RAPGEF4: variants seen among roughly 807,000 people sequenced by gnomAD.
RAPGEF4 encodes the protein RAP guanine-nucleotide-exchange factor (GEF) 4.
RAPGEF4 carries 66 observed loss-of-function variants against 147.9 expected under a neutral mutation model. That is an observed-to-expected ratio of 0.45 (90% CI 0.37 to 0.55). The LOEUF (loss-of-function observed/expected upper bound fraction) is 0.55. RAPGEF4 is among the 20% of genes least tolerant of loss of function. RAPGEF4 has a pLI of 0.00. For missense variants in RAPGEF4, 1,071 were observed against 1,257.3 expected, an observed-to-expected ratio of 0.85 and a Z score of 2.24; for synonymous variants, 419 against 442.7, an observed-to-expected ratio of 0.95 and a Z score of 0.67.
At chr2:173,001,994 A>AAAAAAAAAAAAAAAAAAC (rs1693978617) in intron 17 of RAPGEF4, among the ~76,000 whole-genome samples, 1 of 16,196 alleles carries the variant, frequency 6.2e-5, no homozygotes, top group Non-Finnish European at 1.4e-4. Flanking sequence ...TGATGCTGGC[A>AAAAAAAAAAAAAAAAAAC]AAAAAAAAAA....
At chr2:173,043,818 A>G (rs918559419) in intron 29 of RAPGEF4, among the ~76,000 whole-genome samples, 1 of 152,200 alleles carries the variant, frequency 6.6e-6, no homozygotes, top group African/African-American at 2.4e-5. Context: ...CTTGAGGGAA[A>G]TTTGTGTTTG....
intron 15 of RAPGEF4, among the ~76,000 whole-genome samples, chr2:172,993,830 T>G (rs556680384): frequency 6.6e-6 from 1 of 152,262 alleles, no homozygotes; most frequent in East Asian, 1.9e-4. Context: ...GAAGAGAAGC[T>G]GGGGTAAGGT....
chr2:172,903,994 GATGATGGTAGT>G, intron 4 of RAPGEF4, among the ~76,000 whole-genome samples: 1 of 152,134 alleles, frequency 6.6e-6, no homozygotes, highest in Non-Finnish European at 1.5e-5. Context: ...GCAAAAACAA[GATGATGGTAGT>G]TTGCTCAAAA....
chr2:173,035,802 GA>G (rs1683922625), intron 27 of RAPGEF4, among the ~76,000 whole-genome samples: 1 of 152,248 alleles, frequency 6.6e-6, no homozygotes, highest in South Asian at 2.1e-4. Context: ...GTAAGTTAGA[GA>G]AAAAATGATA....
At chr2:173,018,555 A>G in intron 21 of RAPGEF4, 101 bp from the exon 22 acceptor site, 1 of 1,339,708 alleles carries the variant, frequency 7.5e-7, no homozygotes, top group Non-Finnish European at 1.0e-6. Context: ...AAAATGGCAA[A>G]ATGATGCAAA....
intron 8 of RAPGEF4, 28 bp downstream of exon 8, chr2:172,961,256 C>A (rs887304835): frequency 6.1e-6 from 9 of 1,482,134 alleles, no homozygotes; most frequent in Admixed American, 1.7e-5. Flanking sequence ...AAAGGCTGTG[C>A]CCCGCTCATA....
At chr2:172,786,893 A>T (rs1685263230) in intron 1 of RAPGEF4, among the ~76,000 whole-genome samples, 1 of 152,126 alleles carries the variant, frequency 6.6e-6, no homozygotes, top group Admixed American at 6.6e-5. Flanking sequence ...ATCTCTAAAA[A>T]AATAAAATAA....
intron 5 of RAPGEF4, among the ~76,000 whole-genome samples, chr2:172,921,176 A>G (rs1559121673): frequency 1.3e-5 from 2 of 151,688 alleles, no homozygotes; most frequent in Non-Finnish European, 2.9e-5. Context: ...GTGCAGTGAC[A>G]TGATCATTGC....
At chr2:172,928,549 A>T (rs1347945625) in intron 6 of RAPGEF4, among the ~76,000 whole-genome samples, 2 of 152,108 alleles carry the variant, frequency 1.3e-5, no homozygotes, top group Non-Finnish European at 2.9e-5. Flanking sequence ...TGGGGTGATG[A>T]TTCATTGCTA....
rs906690050 is a variant in RAPGEF4 at position 172,836,095 on chromosome 2, T to A, written c.444+21670T>A. The stretch of plus-strand genomic sequence containing the variant: ...AAATGGAAATATACCTTCCACTCCA[T>A]AAAAGATGTCACATCTTGGTATAAT... On this transcript the variant is annotated intron_variant, in intron 4 of 30. Transcript: ENST00000397081. Among the ~76,000 whole-genome samples, 7 of 152,326 alleles carry A rather than the reference T, an allele frequency of 4.6e-5. No individual in the cohort carries two copies. The South Asian group carries it at 1.2e-3, about 27-fold the overall frequency.
rs538140548 is a variant in RAPGEF4, at chr2:172,893,579, C to T, written c.445-24223C>T. On this transcript the variant is annotated intron_variant, in intron 4 of 30. Coordinates refer to ENST00000397081, the MANE Select transcript of RAPGEF4 (RefSeq NM_007023.4). The stretch of plus-strand genomic sequence containing the variant: ...AAATATACTATACTAACTTTATTTT[C>T]ATGTTTTATGAATTCAATTTTTTGT... Among the ~76,000 whole-genome samples, 258 of 151,974 alleles carry T rather than the reference C, an allele frequency of 1.7e-3. 1 individual carries two copies. Among genetic ancestry groups the T allele is most frequent in the Non-Finnish European group, 3.2e-3 (215 of 67,742 alleles).
chr2:172,860,517 G>C (rs1693910178), intron 4 of RAPGEF4, among the ~76,000 whole-genome samples: 1 of 150,820 alleles, frequency 6.6e-6, no homozygotes, highest in Non-Finnish European at 1.5e-5. Context: ...AAAAGTAATG[G>C]TTGTCATAAC....
chr2:172,835,160 A>C (rs1690788269), intron 4 of RAPGEF4, among the ~76,000 whole-genome samples: 1 of 152,204 alleles, frequency 6.6e-6, no homozygotes, highest in Admixed American at 6.5e-5. Flanking sequence ...AGCAAGAGTA[A>C]ATAGACCGTG....
At position 172,901,847 on chromosome 2, in the gene RAPGEF4, G is replaced by A. The variant is rs138641319; in HGVS notation, c.445-15955G>A. On this transcript the variant is annotated intron_variant, in intron 4 of 30. Coordinates refer to ENST00000397081, the MANE Select transcript of RAPGEF4 (RefSeq NM_007023.4). ...TATGCACTGAGAGAAAATAGATGCC[G>A]TCCTGCCCTCCATTAGTCTGTGGTT... Among the ~76,000 whole-genome samples the A allele has an allele frequency of 6.5e-3, 984 of 152,228 alleles. 7 individuals are homozygous for A. Among genetic ancestry groups the A allele is most frequent in the Non-Finnish European group, 0.01 (693 of 68,022 alleles).
chr2:172,931,171 GT>G (rs1685887404), intron 6 of RAPGEF4, among the ~76,000 whole-genome samples: 4 of 45,910 alleles, frequency 8.7e-5, no homozygotes, highest in Non-Finnish European at 1.8e-4. Flanking sequence ...CCAGGCCGGG[GT>G]GGGGGGGGGG....
At chr2:172,741,172 A>T (rs1273005071) in intron 1 of RAPGEF4, among the ~76,000 whole-genome samples, 1 of 152,226 alleles carries the variant, frequency 6.6e-6, no homozygotes, top group Non-Finnish European at 1.5e-5. Flanking sequence ...TTCCAGTCAG[A>T]TCACCATTAC....
intron 6 of RAPGEF4, among the ~76,000 whole-genome samples, chr2:172,923,698 C>T (rs1341594162): frequency 6.6e-6 from 1 of 152,202 alleles, no homozygotes; most frequent in East Asian, 1.9e-4. Context: ...TAAACATCCT[C>T]ATCTCTTCTT....
At chr2:172,882,413 C>T (rs139212354) in intron 4 of RAPGEF4, among the ~76,000 whole-genome samples, 1 of 152,284 alleles carries the variant, frequency 6.6e-6, no homozygotes, top group African/African-American at 2.4e-5. Context: ...CTGTTTAACT[C>T]TGTTGTTTAA....
At chr2:172,962,787 C>A (rs574380338) in intron 8 of RAPGEF4, among the ~76,000 whole-genome samples, 1 of 152,102 alleles carries the variant, frequency 6.6e-6, no homozygotes, top group African/African-American at 2.4e-5. Context: ...GATTACTTAG[C>A]CCTTTTTATG....
Sources: allele counts gnomAD v4.1 joint callset (sites outside exome capture counted in the v4.1 genomes callset), GRCh38; gene constraint gnomAD v4.1.1; transcripts MANE v1.5; gene names NCBI Gene and HGNC (gene_info 2026-07-23, HGNC 2026-07-21).